The following PLA2G15 variants were observed in gnomAD, a reference collection of about 807,000 sequenced individuals.
The protein encoded by PLA2G15 is phospholipase A2 group XV.
In PLA2G15, 20 loss-of-function variants were observed where a neutral mutation model predicts 40.9. That is an observed-to-expected ratio of 0.49 (90% CI 0.34 to 0.71). The LOEUF is 0.71. Ranked by LOEUF, PLA2G15 falls within the 30% of genes least tolerant of loss-of-function variation. PLA2G15 has a pLI of 0.01. For synonymous variants in PLA2G15, 223 were observed against 228.2 expected, an observed-to-expected ratio of 0.98 and a Z score of 0.21; for missense variants, 471 against 541.9, an observed-to-expected ratio of 0.87 and a Z score of 1.30.
In PLA2G15 at chr16:68,245,406, C is replaced by G. The variant is rs779620825; in HGVS notation, c.-21C>G. 6.2e-7 allele frequency: 1 copy of G among 1,600,960 alleles called. No homozygotes were observed. The highest frequency in any genetic ancestry group is 1.1e-5 in the South Asian group (1 of 91,022). ...AGAGAGCTGAACCTGCATCCCGGAC[C>G]TGCGGCGACCGTCGTACACCATGGG... On this transcript the variant is annotated 5_prime_UTR_variant, in exon 1 of 6. Coordinates refer to ENST00000219345, the MANE Select transcript of PLA2G15 (RefSeq NM_012320.4).
At position 68,255,866 on chromosome 16, in the gene PLA2G15, C is replaced by T. The variant is rs564105211; in HGVS notation, c.603C>T (p.Asn201=). The T allele has an allele frequency of 1.2e-6, 2 of 1,614,088 alleles. No individual in the cohort carries two copies. The highest frequency in any genetic ancestry group is 1.7e-6 in the Non-Finnish European group (2 of 1,179,948). Residue 201 remains asparagine, a synonymous_variant, in exon 5 of 6, where the codon AAC becomes AAT. Coordinates refer to ENST00000219345, the MANE Select transcript of PLA2G15 (RefSeq NM_012320.4). This position sits in a 1 kb window ranked among gnomAD's most constrained non-coding sequence, Gnocchi z 5.9. ...TGCTGGTTGCCCACAGTATGGGCAA[C>T]ATGTACACGCTCTACTTTCTGCAGC... The part of the protein sequence containing the change: ...PVVLVAHSMG[N]MYTLYFLQRQ...
At chr16:68,258,817 A>G in intron 5 of PLA2G15, 2 of 273,678 alleles carry the variant, frequency 7.3e-6, no homozygotes, top group Non-Finnish European at 1.4e-5. Context: ...GCCAGGCATG[A>G]GGCATGGTGG....
chr16:68,259,291 A>G lies in PLA2G15; in HGVS notation c.873A>G (p.Thr291=). ...TGCAGACACCCACAATCAACTACAC[A>G]CTGCGGGACTACCGCAAGTTCTTCC... The part of the protein sequence containing the change: ...VFVQTPTINY[T]LRDYRKFFQD... Residue 291 remains threonine (T), a synonymous_variant, in exon 6 of 6, where the codon ACA becomes ACG. Coordinates refer to ENST00000219345, the MANE Select transcript of PLA2G15 (RefSeq NM_012320.4). The surrounding 1 kb of genome is among the most constrained non-coding windows in gnomAD (Gnocchi z 6.5). 2 of 1,614,022 alleles carry G rather than the reference A, an allele frequency of 1.2e-6. No individual in the cohort carries two copies. The highest frequency in any genetic ancestry group is 1.7e-6 in the Non-Finnish European group (2 of 1,180,032).
At chr16:68,246,619 C>T (rs1458123795) in intron 1 of PLA2G15, among the ~76,000 whole-genome samples, 1 of 152,162 alleles carries the variant, frequency 6.6e-6, no homozygotes, top group Non-Finnish European at 1.5e-5. Flanking sequence ...GGGATTTGGG[C>T]AGACTTGGCC....
chr16:68,249,428 G>A lies in PLA2G15; in HGVS notation c.266G>A (p.Cys89Tyr). The change falls in exon 2 of 6, where the codon TGC (cysteine) becomes TAC (tyrosine). Residue 89 changes from cysteine to tyrosine, a missense_variant. Coordinates refer to ENST00000219345, the MANE Select transcript of PLA2G15 (RefSeq NM_012320.4). ...CTGCTGCTGCCTGTCATCATTGACT[G>A]CTGGATTGACAATATCAGGTGGGGG... Reference protein sequence around the residue: ...LELLLPVIIDCWIDNIRLVYN... With the variant: ...LELLLPVIIDYWIDNIRLVYN... The A allele has an allele frequency of 6.2e-7, 1 of 1,614,178 alleles. No homozygotes were observed. The highest frequency in any genetic ancestry group is 8.5e-7 in the Non-Finnish European group (1 of 1,180,020).
chr16:68,255,919 A>T lies in PLA2G15; in HGVS notation c.656A>T (p.Tyr219Phe). 1 of 1,613,382 alleles carries T rather than the reference A, an allele frequency of 6.2e-7. No individual in the cohort carries two copies. Among genetic ancestry groups the T allele is most frequent in the African/African-American group, 1.3e-5 (1 of 75,046 alleles). ...QRQPQAWKDK[Y>F]IRAFVSLGAP... The stretch of plus-strand genomic sequence containing the variant: ...CAGCCGCAGGCCTGGAAGGACAAGT[A>T]TATCCGGGCCTTCGTGTCACTGGGT... Residue 219 changes from tyrosine (Y) to phenylalanine (F), a missense_variant, in exon 5 of 6, where the codon TAT (tyrosine) becomes TTT (phenylalanine). Transcript: ENST00000219345. The surrounding 1 kb of genome is among the most constrained non-coding windows in gnomAD (Gnocchi z 5.9).
At chr16:68,256,545 G>C (rs2042403508) in intron 5 of PLA2G15, 1 of 152,046 alleles carries the variant, frequency 6.6e-6, no homozygotes, top group South Asian at 2.1e-4. Flanking sequence ...ACAGAGTCTG[G>C]TTCTGTCACC....
intron 5 of PLA2G15, chr16:68,258,908 C>T (rs1490231860): frequency 9.6e-6 from 5 of 521,392 alleles, no homozygotes; most frequent in Admixed American, 7.2e-5. Flanking sequence ...TGCTGTGAGC[C>T]GTGATCATGC....
chr16:68,260,313 C>T lies in PLA2G15; in HGVS notation c.*656C>T, dbSNP rs2042437033. ...ACTCCACTCCTACCTCCCTTACCAC[C>T]AGGAGCATTCAAGCTCTGGATTGGG... On this transcript the variant is annotated 3_prime_UTR_variant, in exon 6 of 6. Transcript: ENST00000219345. 1 of 153,270 alleles carries T rather than the reference C, an allele frequency of 6.5e-6. No individual in the cohort carries two copies. The highest frequency in any genetic ancestry group is 1.9e-4 in the East Asian group (1 of 5,186). The allele number at this position is 153,270 out of a possible 1,614,324, so 9.5% of individuals were successfully genotyped here. A position where few individuals can be genotyped will look rare whatever the true frequency, so the allele number is the denominator to read the frequency against.
rs1051527634 is a variant in PLA2G15 at position 68,251,720 on chromosome 16, C to T, written c.284+2274C>T. Among the ~76,000 whole-genome samples the T allele has an allele frequency of 2.3e-4, 35 of 151,894 alleles. 1 individual carries two copies. The highest frequency in any genetic ancestry group is 6.8e-4 in the African/African-American group (28 of 41,338). On this transcript the variant is annotated intron_variant, in intron 2 of 5. Transcript: ENST00000219345. ...TACAAAAATACAAAAATGAGCCGGG[C>T]GTGGTGGCACACGCCCATGATCCCA...
At chr16:68,246,442 T>C (rs1020326136) in intron 1 of PLA2G15, among the ~76,000 whole-genome samples, 1 of 151,920 alleles carries the variant, frequency 6.6e-6, no homozygotes, top group Non-Finnish European at 1.5e-5. Flanking sequence ...ACACGTGGAG[T>C]CTAGTGCAGC....
chr16:68,259,448 T>C lies in PLA2G15; in HGVS notation c.1030T>C (p.Tyr344His). ...TGVPTPDSFY[Y>H]ESFPDRDPKI... Reference sequence around the variant, plus strand: ...CGTCCCCACACCAGACTCCTTCTACTATGAGAGCTTCCCTGACCGTGACCC... The same window carrying C: ...CGTCCCCACACCAGACTCCTTCTACCATGAGAGCTTCCCTGACCGTGACCC... The change falls in exon 6 of 6, where the codon TAT becomes CAT. Residue 344 changes from tyrosine to histidine, a missense_variant. Transcript: ENST00000219345. The surrounding 1 kb of genome is among the most constrained non-coding windows in gnomAD (Gnocchi z 6.5). The C allele has an allele frequency of 6.2e-7, 1 of 1,613,898 alleles. No homozygotes were observed. The highest frequency in any genetic ancestry group is 8.5e-7 in the Non-Finnish European group (1 of 1,180,000).
intron 2 of PLA2G15, among the ~76,000 whole-genome samples, chr16:68,251,892 C>T (rs1421735250): frequency 5.9e-5 from 9 of 151,748 alleles, no homozygotes; most frequent in Non-Finnish European, 1.3e-4. Context: ...TTCCCAGAGA[C>T]CCGCTAGCTG....
At chr16:68,247,427 G>A (rs1355653595) in intron 1 of PLA2G15, among the ~76,000 whole-genome samples, 2 of 152,202 alleles carry the variant, frequency 1.3e-5, no homozygotes, top group Non-Finnish European at 2.9e-5. Flanking sequence ...AAGGCATGTG[G>A]ATGGCTCTTT....
intron 2 of PLA2G15, among the ~76,000 whole-genome samples, chr16:68,251,610 T>C (rs909110600): frequency 2.7e-5 from 4 of 150,532 alleles, no homozygotes; most frequent in African/African-American, 7.4e-5. Flanking sequence ...TGAACCTGGG[T>C]GGTGGAAGTT....
chr16:68,259,413 A>C lies in PLA2G15; in HGVS notation c.995A>C (p.Tyr332Ser). 1 of 1,614,010 alleles carries C rather than the reference A, an allele frequency of 6.2e-7. No homozygotes were observed. The highest frequency in any genetic ancestry group is 8.5e-7 in the Non-Finnish European group (1 of 1,180,018). The change falls in exon 6 of 6, where the codon TAT (tyrosine) becomes TCT (serine). Residue 332 changes from tyrosine to serine, a missense_variant. Tyr to Ser is a moderately radical substitution (Grantham distance 144, BLOSUM62 -2). Transcript: ENST00000219345. The surrounding 1 kb of genome is among the most constrained non-coding windows in gnomAD (Gnocchi z 6.5). Reference protein sequence around the residue: ...MPPGVQLHCLYGTGVPTPDSF... With the variant: ...MPPGVQLHCLSGTGVPTPDSF... ...CCTGGCGTGCAGCTGCACTGCCTCT[A>C]TGGTACTGGCGTCCCCACACCAGAC...
Position 68,255,195 on chromosome 16 carries a change from C to A in PLA2G15, c.404-87C>A. 9.3e-7 allele frequency: 1 copy of A among 1,075,730 alleles called. No individual in the cohort carries two copies. Among genetic ancestry groups the A allele is most frequent in the Non-Finnish European group, 1.4e-6 (1 of 698,536 alleles). 66.6% of individuals were successfully genotyped at this position (1,075,730 alleles called of 1,614,324 possible). A position where few individuals can be genotyped will look rare whatever the true frequency, so the allele number is the denominator to read the frequency against. On this transcript the variant is annotated intron_variant, in intron 3 of 5. Transcript: ENST00000219345. This position sits in a 1 kb window ranked among gnomAD's most constrained non-coding sequence, Gnocchi z 5.9. Reference sequence around the variant, plus strand: ...CCTGTAGCATTCTTCCAAGGACCTGCTAGCTGTCACAGTCTCCATGCTGGG... The same window carrying A: ...CCTGTAGCATTCTTCCAAGGACCTGATAGCTGTCACAGTCTCCATGCTGGG...
chr16:68,258,311 G>A (rs1380977792), intron 5 of PLA2G15, among the ~76,000 whole-genome samples: 1 of 152,192 alleles, frequency 6.6e-6, no homozygotes, highest in Non-Finnish European at 1.5e-5. Context: ...AGAAAAACTG[G>A]TACACAGTTC....
Position 68,249,293 on chromosome 16 carries a change from C to T in PLA2G15, c.131C>T (p.Pro44Leu). The stretch of plus-strand genomic sequence containing the variant: ...ACATGTCCTGTGCCCCCTGCAGTCC[C>T]TGGTGATTTGGGTAACCAACTGGAA... ...AGRHPPVVLV[P>L]GDLGNQLEAK... The change falls in exon 2 of 6, where the codon CCT becomes CTT. Residue 44 changes from proline (P) to leucine (L), a missense_variant. Pro to Leu is a moderately conservative substitution (Grantham distance 98). Coordinates refer to ENST00000219345, the MANE Select transcript of PLA2G15 (RefSeq NM_012320.4). The T allele has an allele frequency of 6.2e-7, 1 of 1,614,134 alleles. No individual in the cohort carries two copies. The highest frequency in any genetic ancestry group is 8.5e-7 in the Non-Finnish European group (1 of 1,179,994).
Sources: allele counts gnomAD v4.1 joint callset (sites outside exome capture counted in the v4.1 genomes callset), GRCh38; gene constraint gnomAD v4.1.1; non-coding constraint Gnocchi (gnomAD v3.1); transcripts MANE v1.5; gene names NCBI Gene and HGNC (gene_info 2026-07-23, HGNC 2026-07-21).